Variants in GRM5 observed in about 807,000 individuals in gnomAD.
GRM5 encodes the protein glutamate metabotropic receptor 5, also known as metabotropic glutamate receptor 5.
A neutral mutation model predicts 83.1 loss-of-function variants in GRM5; 19 were observed. That is an observed-to-expected ratio of 0.23 (90% CI 0.16 to 0.34). The LOEUF is 0.34. Among genes scored for constraint, GRM5 ranks in the 10% least tolerant of loss-of-function variants. The probability of loss-of-function intolerance (pLI) is 1.00; values close to 1 mark genes in which losing one functional copy is unlikely to be tolerated. For missense variants in GRM5, 1,160 were observed against 1,588.3 expected (o/e 0.73, Z 4.58); for synonymous variants, 675 against 633.6 (o/e 1.07, Z -0.98).
At chr11:88,993,362 A>G (rs1341246318) in intron 2 of GRM5, among the ~76,000 whole-genome samples, 1 of 151,542 alleles carries the variant, frequency 6.6e-6, no homozygotes, top group Non-Finnish European at 1.5e-5. Context: ...CTTTTCTTCC[A>G]TCATTGTGTG....
chr11:88,925,112 A>C (rs1945763751), intron 2 of GRM5, among the ~76,000 whole-genome samples: 1 of 152,090 alleles, frequency 6.6e-6, no homozygotes, highest in Non-Finnish European at 1.5e-5. Context: ...GATAGATACC[A>C]AAGCAAAGAA....
intron 8 of GRM5, among the ~76,000 whole-genome samples, chr11:88,528,002 G>C (rs1016346853): frequency 6.6e-6 from 1 of 151,948 alleles, no homozygotes; most frequent in Admixed American, 6.6e-5. Flanking sequence ...TTACCTGGGT[G>C]ATGAAATAAT....
intron 2 of GRM5, among the ~76,000 whole-genome samples, chr11:89,021,652 A>G (rs938047769): frequency 3.3e-5 from 5 of 152,218 alleles, no homozygotes; most frequent in African/African-American, 1.2e-4. Context: ...AAAGGGGAAA[A>G]ATCATGTGAA....
At chr11:88,907,023 T>G (rs1358152706) in intron 2 of GRM5, among the ~76,000 whole-genome samples, 1 of 152,016 alleles carries the variant, frequency 6.6e-6, no homozygotes, top group Non-Finnish European at 1.5e-5. Flanking sequence ...TTGAGGCAGT[T>G]TGGCTAACAG....
At chr11:88,895,904 G>GT (rs1565281757) in intron 2 of GRM5, among the ~76,000 whole-genome samples, 2 of 151,714 alleles carry the variant, frequency 1.3e-5, no homozygotes, top group African/African-American at 4.8e-5. Context: ...GTTTAAAAAC[G>GT]TATGTTTACT....
At chr11:88,646,540 T>C (rs11020776) in intron 4 of GRM5, among the ~76,000 whole-genome samples, 103,282 of 151,292 alleles carry the variant, frequency 0.68, 41,254 homozygotes, top group Non-Finnish European at 0.9. Flanking sequence ...ACATTGTAAG[T>C]GACAAGCTTT....
intron 2 of GRM5, among the ~76,000 whole-genome samples, chr11:88,850,534 C>A (rs1193078458): frequency 6.6e-6 from 1 of 151,542 alleles, no homozygotes; most frequent in Non-Finnish European, 1.5e-5. Context: ...AATTTCATCC[C>A]ACTGAGATTT....
chr11:88,920,751 A>G (rs1945676692), intron 2 of GRM5, among the ~76,000 whole-genome samples: 1 of 152,200 alleles, frequency 6.6e-6, no homozygotes, highest in African/African-American at 2.4e-5. Context: ...GTTCTGGGAT[A>G]CATGTGCCAT....
intron 3 of GRM5, among the ~76,000 whole-genome samples, chr11:88,795,046 A>G (rs991041348): frequency 6.6e-6 from 1 of 152,252 alleles, no homozygotes; most frequent in African/African-American, 2.4e-5. Context: ...GAAATTTCAG[A>G]TAAGAACAAA....
intron 2 of GRM5, among the ~76,000 whole-genome samples, chr11:88,951,631 T>C (rs536442572): frequency 6.6e-6 from 1 of 152,316 alleles, no homozygotes. Context: ...TATTGTCTAT[T>C]TAACAGAGGA....
intron 2 of GRM5, among the ~76,000 whole-genome samples, chr11:88,941,904 T>C (rs1261625004): frequency 6.6e-6 from 1 of 152,052 alleles, no homozygotes; most frequent in African/African-American, 2.4e-5. Context: ...CTATAAGATA[T>C]TCTGCAGGAC....
chr11:88,672,839 A>T (rs1370476829), intron 3 of GRM5, among the ~76,000 whole-genome samples: 1 of 152,016 alleles, frequency 6.6e-6, no homozygotes, highest in Non-Finnish European at 1.5e-5. Context: ...GAATAAATCA[A>T]TCAGCAAATA....
intron 3 of GRM5, among the ~76,000 whole-genome samples, chr11:88,770,259 C>T (rs1010633485): frequency 2.0e-5 from 3 of 151,814 alleles, no homozygotes; most frequent in Non-Finnish European, 2.9e-5. Flanking sequence ...ATACTGGATG[C>T]GACCCCAGAA....
chr11:88,650,190 A>G lies in GRM5; in HGVS notation c.1147+2978T>C, dbSNP rs182183355. On this transcript the variant is annotated intron_variant, in intron 4 of 9. Coordinates refer to ENST00000305447, the MANE Select transcript of GRM5 (RefSeq NM_001143831.3). ...ATTAATACAAAACAGCAGAAAAGACAGAGGAATAAATAGCTAAATAACAAA... is the reference window on the plus strand; with the variant it reads ...ATTAATACAAAACAGCAGAAAAGACGGAGGAATAAATAGCTAAATAACAAA... 4.0e-3 allele frequency among the ~76,000 whole-genome samples: 614 copies of G among 152,050 alleles called. 2 individuals are homozygous for G. Among genetic ancestry groups the G allele is most frequent in the Middle Eastern group, 0.021 (6 of 292 alleles).
intron 2 of GRM5, among the ~76,000 whole-genome samples, chr11:89,012,422 A>C (rs1327818926): frequency 2.0e-5 from 3 of 152,188 alleles, no homozygotes; most frequent in Admixed American, 6.5e-5. Context: ...AGCTCCCGTG[A>C]GCAGAGTCTG....
intron 3 of GRM5, among the ~76,000 whole-genome samples, chr11:88,811,985 T>A (rs1363596196): frequency 6.6e-6 from 1 of 152,122 alleles, no homozygotes; most frequent in Non-Finnish European, 1.5e-5. Flanking sequence ...AAGACTCATA[T>A]TAAACGAGTA....
intron 4 of GRM5, among the ~76,000 whole-genome samples, chr11:88,614,931 A>G (rs1938428286): frequency 6.6e-6 from 1 of 152,168 alleles, no homozygotes; most frequent in African/African-American, 2.4e-5. Flanking sequence ...TTTAAAAATT[A>G]TTCTAAATAA....
At chr11:88,734,906 C>T (rs1941881157) in intron 3 of GRM5, among the ~76,000 whole-genome samples, 2 of 151,928 alleles carry the variant, frequency 1.3e-5, no homozygotes, top group South Asian at 4.1e-4. Flanking sequence ...GCTAGCTGAC[C>T]AAGGAGAGAC....
rs773121087 is a variant in GRM5, at chr11:88,508,640, ATAT to A, written c.3588_3590del (p.Lys1196_Tyr1197delinsAsn). The A allele has an allele frequency of 1.2e-6, 2 of 1,609,804 alleles. No individual in the cohort carries two copies. The highest frequency in any genetic ancestry group is 2.7e-5 in the African/African-American group (2 of 74,220). On this transcript the variant is annotated inframe_deletion, in exon 10 of 10. Coordinates refer to ENST00000305447, the MANE Select transcript of GRM5 (RefSeq NM_001143831.3). The surrounding 1 kb of genome is among the most constrained non-coding windows in gnomAD (Gnocchi z 4.2). ...TGTAATCTCTTATGATAAGAGTGTC[ATAT>A]TTGGGAGACGACGGGATACAGAGGG... is the stretch of plus-strand genomic sequence containing the variant.
Sources: allele counts gnomAD v4.1 joint callset (sites outside exome capture counted in the v4.1 genomes callset), GRCh38; gene constraint gnomAD v4.1.1; non-coding constraint Gnocchi (gnomAD v3.1); transcripts MANE v1.5; gene names NCBI Gene and HGNC (gene_info 2026-07-23, HGNC 2026-07-21).